CPVL: variants seen among roughly 807,000 people sequenced by gnomAD.
CPVL encodes probable serine carboxypeptidase CPVL.
A neutral mutation model predicts 63.7 loss-of-function variants in CPVL; 51 were observed. The observed-to-expected ratio is 0.80, with a 90% confidence interval of 0.64 to 1.01. The LOEUF is 1.01. Among genes scored for constraint, CPVL ranks in the 50% least tolerant of loss-of-function variants. The pLI is 0.00. For missense variants in CPVL, 530 were observed against 573.1 expected, an observed-to-expected ratio of 0.92 and a Z score of 0.77; for synonymous variants, 195 against 206.0, an observed-to-expected ratio of 0.95 and a Z score of 0.46.
intron 1 of CPVL, among the ~76,000 whole-genome samples, chr7:29,138,928 C>A (rs1294953709): frequency 6.6e-6 from 1 of 152,192 alleles, no homozygotes; most frequent in Non-Finnish European, 1.5e-5. Flanking sequence ...CCACTTCTCC[C>A]AACCTTTGGG....
intron 12 of CPVL, among the ~76,000 whole-genome samples, chr7:29,025,532 T>C (rs1787406676): frequency 6.6e-6 from 1 of 152,082 alleles, no homozygotes; most frequent in African/African-American, 2.4e-5. Flanking sequence ...TCTCCAATAT[T>C]GGGAATCACA....
intron 1 of CPVL, chr7:29,193,339 ATGTT>A (rs1398648679): frequency 6.6e-6 from 1 of 152,040 alleles, no homozygotes; most frequent in Non-Finnish European, 1.5e-5. Flanking sequence ...TATTCACTGT[ATGTT>A]AGGTCCTTGG....
At chr7:29,147,602 G>T (rs1034969722), upstream of CPVL, among the ~76,000 whole-genome samples, 5 of 152,214 alleles carry the variant, frequency 3.3e-5, no homozygotes, top group Non-Finnish European at 7.3e-5. Flanking sequence ...CCAGCACAAA[G>T]TATGTGCTCA....
intron 9 of CPVL, 148 bp from the exon 10 acceptor site, chr7:29,066,269 T>C: frequency 1.8e-6 from 1 of 563,536 alleles, no homozygotes; most frequent in South Asian, 2.4e-5. Context: ...ATATTCTCTG[T>C]GCTAGACACT....
chr7:29,187,535 C>A (rs1798865310), intron 1 of CPVL, among the ~76,000 whole-genome samples: 1 of 152,018 alleles, frequency 6.6e-6, no homozygotes, highest in Admixed American at 6.5e-5. Flanking sequence ...ACCAGCCTAG[C>A]CAACATGGAG....
chr7:29,102,744 C>T (rs1362546540), intron 3 of CPVL, among the ~76,000 whole-genome samples: 1 of 151,850 alleles, frequency 6.6e-6, no homozygotes, highest in Non-Finnish European at 1.5e-5. Context: ...TTCTGGCGAC[C>T]CCTGGTGACC....
chr7:29,134,819 G>A (rs1296355914), intron 1 of CPVL, among the ~76,000 whole-genome samples: 4 of 152,074 alleles, frequency 2.6e-5, no homozygotes, highest in African/African-American at 7.2e-5. Context: ...TAAAATTCAG[G>A]GGAGATCAGG....
intron 7 of CPVL, among the ~76,000 whole-genome samples, chr7:29,074,147 G>A (rs1001098897): frequency 3.9e-5 from 6 of 152,154 alleles, no homozygotes; most frequent in African/African-American, 1.4e-4. Flanking sequence ...TGAGCTGACC[G>A]ACTCCAAAAC....
chr7:29,123,439 C>T (rs1172661382), intron 1 of CPVL, among the ~76,000 whole-genome samples: 4 of 151,272 alleles, frequency 2.6e-5, no homozygotes, highest in African/African-American at 7.3e-5. Context: ...AATTTAGGAA[C>T]TGAAATTAGG....
chr7:29,048,239 G>T (rs1398857260), intron 11 of CPVL, among the ~76,000 whole-genome samples: 2 of 152,106 alleles, frequency 1.3e-5, no homozygotes, highest in Non-Finnish European at 2.9e-5. Context: ...GAATGCAAAT[G>T]GCCTAAATGC....
intron 7 of CPVL, chr7:29,081,569 C>T (rs1388126043): frequency 6.6e-6 from 1 of 152,168 alleles, no homozygotes; most frequent in Non-Finnish European, 1.5e-5. Context: ...CTGCTAAGCT[C>T]CATTTTTTTT....
intron 7 of CPVL, among the ~76,000 whole-genome samples, chr7:29,080,672 C>T (rs66935968): frequency 0.11 from 16,005 of 151,940 alleles, 1,056 homozygotes; most frequent in Middle Eastern, 0.15. Flanking sequence ...CATTAAGCAC[C>T]GTGCTTAGTA....
Position 29,163,937 on chromosome 7 carries a change from G to A in CPVL, c.-11+17353C>T, listed in dbSNP as rs1795540306. Among the ~76,000 whole-genome samples the A allele has an allele frequency of 3.9e-5, 6 of 152,178 alleles. No homozygotes were observed. The South Asian group carries it at 1.2e-3, about 32-fold the overall frequency. Reference sequence around the variant, plus strand: ...TTACTTGTTCAAGGACATCTGGGTTGTTCCCAGCTTTTGACTATTACAAAT... The same window carrying A: ...TTACTTGTTCAAGGACATCTGGGTTATTCCCAGCTTTTGACTATTACAAAT... On this transcript the variant is annotated intron_variant, in intron 5 of 16. Coordinates refer to the CPVL transcript ENST00000409850.
chr7:29,070,835 T>C (rs1238502874), intron 9 of CPVL, among the ~76,000 whole-genome samples: 1 of 152,214 alleles, frequency 6.6e-6, no homozygotes, highest in Admixed American at 6.5e-5. Context: ...CCTCTACCCT[T>C]TTCTCCAAGG....
At chr7:29,052,387 T>C (rs1790266673) in intron 11 of CPVL, among the ~76,000 whole-genome samples, 1 of 150,774 alleles carries the variant, frequency 6.6e-6, no homozygotes, top group South Asian at 2.1e-4. Context: ...AACTCGAGTA[T>C]TAGTTTTTAA....
At chr7:29,001,315 T>G (rs1784610663) in intron 12 of CPVL, 2 of 152,176 alleles carry the variant, frequency 1.3e-5, no homozygotes, top group Admixed American at 6.5e-5. Context: ...TGGTTTATTG[T>G]TTCTGCTTTC....
At chr7:29,125,633 T>C (rs1480654695) in intron 1 of CPVL, among the ~76,000 whole-genome samples, 4 of 152,010 alleles carry the variant, frequency 2.6e-5, no homozygotes, top group African/African-American at 9.7e-5. Flanking sequence ...TCTCAGGTGA[T>C]CCACCCGCCT....
chr7:29,054,496 T>A (rs1300153478), intron 11 of CPVL, among the ~76,000 whole-genome samples: 1 of 152,236 alleles, frequency 6.6e-6, no homozygotes, highest in Non-Finnish European at 1.5e-5. Flanking sequence ...ATTGTCCTCC[T>A]TTTGTAGATG....
intron 1 of CPVL, among the ~76,000 whole-genome samples, chr7:29,133,997 A>T (rs1325732448): frequency 6.6e-6 from 1 of 152,228 alleles, no homozygotes; most frequent in Non-Finnish European, 1.5e-5. Context: ...AGTCTAAAAG[A>T]GAGGTGAAAG....
Sources: gnomAD v4.1 joint callset for allele counts (sites outside exome capture counted in the v4.1 genomes callset) on GRCh38, gnomAD v4.1.1 for gene constraint, MANE v1.5 for transcripts, NCBI Gene and HGNC (gene_info 2026-07-23, HGNC 2026-07-21) for gene names.